The following SCN1A variants were observed in gnomAD, a reference collection of about 807,000 sequenced individuals.
SCN1A encodes the protein sodium voltage-gated channel alpha subunit 1.
In SCN1A, 13 loss-of-function variants were observed where a neutral mutation model predicts 193.7. The ratio of observed to expected loss-of-function variants is 0.07; its 90% CI spans 0.04 to 0.11. The LOEUF (loss-of-function observed/expected upper bound fraction) is 0.11. SCN1A is among the 10% of genes least tolerant of loss of function. SCN1A has a pLI of 1.00. For synonymous variants in SCN1A, 781 were observed against 843.6 expected, an observed-to-expected ratio of 0.93 and a Z score of 1.29; for missense variants, 1,432 against 2,451.1, an observed-to-expected ratio of 0.58 and a Z score of 8.78.
intron 1 of SCN1A, among the ~76,000 whole-genome samples, chr2:166,140,266 C>T (rs1472905497): frequency 6.6e-6 from 1 of 152,098 alleles, no homozygotes; most frequent in African/African-American, 2.4e-5. Flanking sequence ...AAAGTCTCTG[C>T]AATTCGAGTT....
chr2:166,109,876 A>G (rs1382860237), intron 2 of SCN1A, among the ~76,000 whole-genome samples: 1 of 152,046 alleles, frequency 6.6e-6, no homozygotes, highest in Non-Finnish European at 1.5e-5. Context: ...GGTGGTGGGG[A>G]GGTGGGAATG....
intron 2 of SCN1A, among the ~76,000 whole-genome samples, chr2:166,117,040 A>G (rs1413546493): frequency 6.6e-6 from 1 of 152,194 alleles, no homozygotes; most frequent in Non-Finnish European, 1.5e-5. Flanking sequence ...CATCTTTTTC[A>G]AAATAATAAT....
chr2:166,077,959 A>G (rs1685138796), intron 2 of SCN1A, 158 bp from the exon 3 acceptor site: 3 of 151,932 alleles, frequency 2.0e-5, no homozygotes, highest in African/African-American at 7.2e-5. Context: ...GAAAGAAGCA[A>G]TCTAAAATGG....
At chr2:166,034,401 C>A (rs946971289) in intron 19 of SCN1A, among the ~76,000 whole-genome samples, 1 of 152,218 alleles carries the variant, frequency 6.6e-6, no homozygotes, top group African/African-American at 2.4e-5. Flanking sequence ...CCTGTGGTAT[C>A]TTCCATGGAC....
At chr2:166,011,346 A>C (rs1047227571) in intron 22 of SCN1A, among the ~76,000 whole-genome samples, 1 of 151,114 alleles carries the variant, frequency 6.6e-6, no homozygotes, top group Non-Finnish European at 1.5e-5. Context: ...AATTTTGCCA[A>C]GTTGATAATA....
intron 2 of SCN1A, among the ~76,000 whole-genome samples, chr2:166,084,225 T>C (rs1685847655): frequency 6.7e-6 from 1 of 150,334 alleles, no homozygotes; most frequent in African/African-American, 2.5e-5. Context: ...TTTCTTTTTT[T>C]TTTTTTTTTT....
intron 2 of SCN1A, among the ~76,000 whole-genome samples, chr2:166,108,054 G>A (rs1183876170): frequency 6.6e-6 from 1 of 151,852 alleles, no homozygotes; most frequent in Non-Finnish European, 1.5e-5. Flanking sequence ...TCTGATAAGC[G>A]ATTGTATCTG....
At chr2:166,139,470 ACT>A (rs766015711) in intron 1 of SCN1A, among the ~76,000 whole-genome samples, 1 of 151,436 alleles carries the variant, frequency 6.6e-6, no homozygotes, top group Admixed American at 6.6e-5. Flanking sequence ...GCCTGCAAAA[ACT>A]CTCTTTTTGC....
chr2:166,005,485 AC>A (rs1691533839), intron 23 of SCN1A, among the ~76,000 whole-genome samples: 1 of 151,376 alleles, frequency 6.6e-6, no homozygotes, highest in Admixed American at 6.6e-5. Context: ...GCAGCAGTGC[AC>A]TTCAGGATAT....
intron 1 of SCN1A, among the ~76,000 whole-genome samples, chr2:166,146,590 G>A (rs1692331956): frequency 1.3e-5 from 2 of 152,082 alleles, no homozygotes; most frequent in South Asian, 4.2e-4. Context: ...ACAATGTCTG[G>A]GACAGACCCC....
chr2:166,019,912 CTTTTTTT>C (rs200535265), intron 19 of SCN1A, among the ~76,000 whole-genome samples: 1 of 134,506 alleles, frequency 7.4e-6, no homozygotes, highest in African/African-American at 3.0e-5. Flanking sequence ...AGGTGAACTT[CTTTTTTT>C]TTTTTTTTTG....
chr2:166,058,974 T>A (rs1420410972), intron 4 of SCN1A, among the ~76,000 whole-genome samples: 1 of 152,138 alleles, frequency 6.6e-6, no homozygotes, highest in African/African-American at 2.4e-5. Flanking sequence ...ATATTTTAAG[T>A]GTCTGAGTTA....
intron 24 of SCN1A, among the ~76,000 whole-genome samples, chr2:166,001,805 G>T (rs186873827): frequency 6.7e-6 from 1 of 149,788 alleles, no homozygotes; most frequent in Non-Finnish European, 1.5e-5. Flanking sequence ...GGTGCTGAAA[G>T]GTCATTTGAG....
chr2:166,051,354 G>A (rs1698532358), intron 9 of SCN1A, among the ~76,000 whole-genome samples: 1 of 151,798 alleles, frequency 6.6e-6, no homozygotes, highest in African/African-American at 2.4e-5. Flanking sequence ...TTTAAATATT[G>A]TTAAATAGTT....
intron 4 of SCN1A, chr2:166,060,703 C>G (rs1284597838): frequency 6.6e-6 from 1 of 151,866 alleles, no homozygotes; most frequent in Admixed American, 6.6e-5. Flanking sequence ...ACTAAAAACA[C>G]ACAAAAAAAT....
In SCN1A at chr2:165,990,973, C is replaced by G; in HGVS notation, c.*272G>C. The G allele has an allele frequency of 2.3e-6, 1 of 439,256 alleles. No homozygotes were observed. Among genetic ancestry groups the G allele is most frequent in the Non-Finnish European group, 4.1e-6 (1 of 244,338 alleles). 27.2% of individuals were successfully genotyped at this position (439,256 alleles called of 1,614,324 possible). A position where few individuals can be genotyped will look rare whatever the true frequency, so the allele number is the denominator to read the frequency against. On this transcript the variant is annotated 3_prime_UTR_variant, in exon 29 of 29. Transcript: ENST00000674923. ...GGTTTGCACCCCTTGAAACTGGTCC[C>G]TACAGTCTGACTAGCCATTGTGCAT... is the stretch of plus-strand genomic sequence containing the variant.
At chr2:166,015,901 A>G (rs1693232226) in intron 19 of SCN1A, 174 bp from the exon 20 acceptor site, 8 of 675,924 alleles carry the variant, frequency 1.2e-5, no homozygotes. Flanking sequence ...TGTCTGTGCT[A>G]ACCCTTTTAC....
intron 1 of SCN1A, among the ~76,000 whole-genome samples, chr2:166,135,607 G>A (rs1691826208): frequency 6.6e-6 from 1 of 152,134 alleles, no homozygotes; most frequent in African/African-American, 2.4e-5. Flanking sequence ...ATTACATTTG[G>A]TTACATCTTT....
intron 2 of SCN1A, among the ~76,000 whole-genome samples, chr2:166,113,656 C>G (rs1338652750): frequency 6.6e-6 from 1 of 151,882 alleles, no homozygotes; most frequent in Non-Finnish European, 1.5e-5. Context: ...ATGCATACAC[C>G]AAGGTTATTG....
Sources: allele counts gnomAD v4.1 joint callset (sites outside exome capture counted in the v4.1 genomes callset), GRCh38; gene constraint gnomAD v4.1.1; transcripts MANE v1.5; gene names NCBI Gene and HGNC (gene_info 2026-07-23, HGNC 2026-07-21).